BCAS3: variants seen among roughly 807,000 people sequenced by gnomAD.
BCAS3 encodes BCAS3 microtubule associated cell migration factor.
A neutral mutation model predicts 116.1 loss-of-function variants in BCAS3; 53 were observed. That is an observed-to-expected ratio of 0.46 (90% CI 0.37 to 0.57). The LOEUF is 0.57. Among genes scored for constraint, BCAS3 ranks in the 20% least tolerant of loss-of-function variants. BCAS3 has a pLI of 0.00. For missense variants in BCAS3, 917 were observed against 1,165.4 expected (o/e 0.79, Z 3.10); for synonymous variants, 391 against 408.2 (o/e 0.96, Z 0.51).
Position 61,249,747 on chromosome 17 carries a change from G to C in BCAS3, c.2426-118580G>C, listed in dbSNP as rs2048230790. Among the ~76,000 whole-genome samples, 1 of 151,724 alleles carries C rather than the reference G, an allele frequency of 6.6e-6. No homozygotes were observed. The highest frequency in any genetic ancestry group is 1.5e-5 in the Non-Finnish European group (1 of 68,014). ...TATTTCCAAGGATGTTTAAGTAGCT[G>C]CTCTCTGCCCATTATTTTGATAATT... On this transcript the variant is annotated intron_variant, in intron 22 of 23. Coordinates refer to ENST00000407086, the MANE Select transcript of BCAS3 (RefSeq NM_017679.5). The surrounding 1 kb of genome is among the most constrained non-coding windows in gnomAD (Gnocchi z 6.2).
intron 22 of BCAS3, among the ~76,000 whole-genome samples, chr17:61,299,421 T>A (rs149830096): frequency 0.037 from 4,344 of 117,324 alleles, 102 homozygotes; most frequent in Admixed American, 0.068. Context: ...CCAGCCTGGG[T>A]GACAGAGCGA....
intron 7 of BCAS3, among the ~76,000 whole-genome samples, chr17:60,827,168 A>G (rs2050505106): frequency 6.6e-6 from 1 of 152,224 alleles, no homozygotes; most frequent in Non-Finnish European, 1.5e-5. Flanking sequence ...CCTTATTTGT[A>G]AAGCAGTGCT....
Position 61,343,791 on chromosome 17 carries a change from G to A in BCAS3, c.2426-24536G>A, listed in dbSNP as rs2057334655. ...ATTCCTCTAAAAACAGTGCCCGTTG[G>A]GCATTTTGCCTGGAGAGAGAGAAGC... is the stretch of plus-strand genomic sequence containing the variant. On this transcript the variant is annotated intron_variant, in intron 22 of 23. Coordinates refer to ENST00000407086, the MANE Select transcript of BCAS3 (RefSeq NM_017679.5). This position sits in a 1 kb window ranked among gnomAD's most constrained non-coding sequence, Gnocchi z 5.5. Among the ~76,000 whole-genome samples the A allele has an allele frequency of 6.6e-6, 1 of 152,198 alleles. No homozygotes were observed. The highest frequency in any genetic ancestry group is 1.5e-5 in the Non-Finnish European group (1 of 68,050).
chr17:60,801,483 T>C (rs1202551018), intron 6 of BCAS3, among the ~76,000 whole-genome samples: 2 of 152,108 alleles, frequency 1.3e-5, no homozygotes, highest in African/African-American at 4.8e-5. Context: ...GACTTTTACT[T>C]TGTTTGCTGC....
chr17:61,305,385 T>C (rs2053771577), intron 22 of BCAS3, among the ~76,000 whole-genome samples: 1 of 152,158 alleles, frequency 6.6e-6, no homozygotes, highest in Non-Finnish European at 1.5e-5. Flanking sequence ...AAGAAAAGCC[T>C]GGCATACTAG....
chr17:60,816,760 T>A (rs1267176958), intron 7 of BCAS3, among the ~76,000 whole-genome samples: 1 of 152,198 alleles, frequency 6.6e-6, no homozygotes. Flanking sequence ...TTTTGTTATG[T>A]CTGAAGAACA....
rs191961590 is a variant in BCAS3 at position 61,278,017 on chromosome 17, A to G, written c.2426-90310A>G. Among the ~76,000 whole-genome samples, 31 of 152,306 alleles carry G rather than the reference A, an allele frequency of 2.0e-4. No individual in the cohort carries two copies. Among genetic ancestry groups the G allele is most frequent in the Non-Finnish European group, 4.1e-4 (28 of 68,016 alleles). ...ACCCAAAAGAAATGAAAACATACCC[A>G]CACAAAAAATGGTTTGTTTTGTTTT... On this transcript the variant is annotated intron_variant, in intron 22 of 23. Transcript: ENST00000407086. This position sits in a 1 kb window ranked among gnomAD's most constrained non-coding sequence, Gnocchi z 5.8.
At chr17:60,726,448 C>T (rs1444270850) in intron 5 of BCAS3, among the ~76,000 whole-genome samples, 13 of 151,858 alleles carry the variant, frequency 8.6e-5, no homozygotes. Context: ...GATCTGCCCG[C>T]CTTGGCCTCC....
At position 61,362,665 on chromosome 17, in the gene BCAS3, C is replaced by G. The variant is rs1286372543; in HGVS notation, c.2426-5662C>G. ...GTTTGTGAAACCCAAGAACCTGACCCATTTCTCCTCTGGGGAAAGAGTATA... is the reference window on the plus strand; with the variant it reads ...GTTTGTGAAACCCAAGAACCTGACCGATTTCTCCTCTGGGGAAAGAGTATA... On this transcript the variant is annotated intron_variant, in intron 22 of 23. Coordinates refer to ENST00000407086, the MANE Select transcript of BCAS3 (RefSeq NM_017679.5). The surrounding 1 kb of genome is among the most constrained non-coding windows in gnomAD (Gnocchi z 4.4). 2.6e-5 allele frequency: 4 copies of G among 152,228 alleles called. No individual in the cohort carries two copies. Among genetic ancestry groups the G allele is most frequent in the Non-Finnish European group, 5.9e-5 (4 of 68,058 alleles). The allele number at this position is 152,228 out of a possible 1,614,324, so 9.4% of individuals were successfully genotyped here. A position where few individuals can be genotyped will look rare whatever the true frequency, so the allele number is the denominator to read the frequency against.
At chr17:60,701,521 A>AG (rs2036385193) in intron 4 of BCAS3, among the ~76,000 whole-genome samples, 1 of 152,160 alleles carries the variant, frequency 6.6e-6, no homozygotes, top group African/African-American at 2.4e-5. Context: ...ACATTGGAAA[A>AG]TTTTTTGGAG....
At chr17:61,163,603 T>A (rs1193546436) in intron 22 of BCAS3, among the ~76,000 whole-genome samples, 1 of 152,166 alleles carries the variant, frequency 6.6e-6, no homozygotes, top group Non-Finnish European at 1.5e-5. Context: ...GAGTCTTTAT[T>A]TAAAGGTTTC....
intron 14 of BCAS3, among the ~76,000 whole-genome samples, chr17:60,980,072 T>C (rs1034905972): frequency 1.3e-5 from 2 of 152,166 alleles, no homozygotes; most frequent in African/African-American, 4.8e-5. Context: ...GAGGGAATGG[T>C]ACCAGTTCCT....
rs375468022 is a variant in BCAS3 at position 61,137,256 on chromosome 17, A to T, written c.2425+52692A>T. Among the ~76,000 whole-genome samples, 28 of 152,322 alleles carry T rather than the reference A, an allele frequency of 1.8e-4. 1 individual carries two copies. In the South Asian group the frequency reaches 5.6e-3, roughly 30 times the overall value. On this transcript the variant is annotated intron_variant, in intron 22 of 23. Transcript: ENST00000407086. Reference sequence around the variant, plus strand: ...TCAGCAAATTGCTTAAAATCGAGGTAACTAGCAAGCATATATCAAGGGATA... The same window carrying T: ...TCAGCAAATTGCTTAAAATCGAGGTTACTAGCAAGCATATATCAAGGGATA...
chr17:60,881,310 A>T (rs1032804310), intron 9 of BCAS3, among the ~76,000 whole-genome samples: 1 of 152,138 alleles, frequency 6.6e-6, no homozygotes, highest in African/African-American at 2.4e-5. Context: ...CTTTTAAAGC[A>T]TGTTAAATTT....
intron 22 of BCAS3, among the ~76,000 whole-genome samples, chr17:61,116,987 T>A (rs1450705346): frequency 1.3e-5 from 2 of 152,234 alleles, no homozygotes; most frequent in Admixed American, 1.3e-4. Flanking sequence ...GGAAGTTTCC[T>A]GTTTGAAGTT....
intron 13 of BCAS3, among the ~76,000 whole-genome samples, chr17:60,934,252 A>G (rs1485818241): frequency 6.6e-6 from 1 of 152,194 alleles, no homozygotes; most frequent in Non-Finnish European, 1.5e-5. Context: ...GGGTTCCATC[A>G]GTAAGTGAAG....
chr17:61,326,724 G>C lies in BCAS3; in HGVS notation c.2426-41603G>C, dbSNP rs2055759980. On this transcript the variant is annotated intron_variant, in intron 22 of 23. Transcript: ENST00000407086. The surrounding 1 kb of genome is among the most constrained non-coding windows in gnomAD (Gnocchi z 5.3). ...AGCTCCTAGTCACATGGAGGAGGAG[G>C]CTTGGATACATTACATTTCCAGTGG... 2.0e-5 allele frequency among the ~76,000 whole-genome samples: 3 copies of C among 152,154 alleles called. No individual in the cohort carries two copies.
At chr17:60,903,592 C>T (rs1309824577) in intron 11 of BCAS3, among the ~76,000 whole-genome samples, 7 of 152,020 alleles carry the variant, frequency 4.6e-5, no homozygotes, top group Non-Finnish European at 7.4e-5. Context: ...GGACTACGGG[C>T]GCATGCCGCC....
At chr17:61,320,366 A>G (rs1443377005) in intron 22 of BCAS3, among the ~76,000 whole-genome samples, 1 of 151,748 alleles carries the variant, frequency 6.6e-6, no homozygotes, top group Non-Finnish European at 1.5e-5. Context: ...CTCTTAGCTA[A>G]GGAATATATG....
Sources: gnomAD v4.1 joint callset for allele counts (sites outside exome capture counted in the v4.1 genomes callset) on GRCh38, gnomAD v4.1.1 for gene constraint, Gnocchi (gnomAD v3.1) non-coding constraint, MANE v1.5 for transcripts, NCBI Gene and HGNC (gene_info 2026-07-23, HGNC 2026-07-21) for gene names.